AP2B1: variants seen among roughly 807,000 people sequenced by gnomAD.
AP2B1 encodes the protein AP-2 complex subunit beta.
Under a neutral mutation model 102.0 loss-of-function variants are expected in AP2B1, and 23 were observed. That is an observed-to-expected ratio of 0.23 (90% CI 0.16 to 0.32). AP2B1 has a LOEUF of 0.32. Ranked by LOEUF, AP2B1 falls within the 10% of genes least tolerant of loss-of-function variation. The pLI is 1.00. For synonymous variants in AP2B1, 381 were observed against 421.2 expected (o/e 0.90, Z 1.17); for missense variants, 541 against 1,157.4 (o/e 0.47, Z 7.73).
chr17:35,696,294 C>T (rs2076140635), intron 18 of AP2B1, among the ~76,000 whole-genome samples: 3 of 151,342 alleles, frequency 2.0e-5, no homozygotes, highest in Admixed American at 1.3e-4. Flanking sequence ...TAGGTTTTTA[C>T]TAAAGTAGTA....
intron 9 of AP2B1, among the ~76,000 whole-genome samples, chr17:35,631,581 G>A (rs1347090503): frequency 2.0e-5 from 3 of 150,034 alleles, no homozygotes; most frequent in Admixed American, 1.3e-4. Context: ...TTTCTTACTA[G>A]TAATATCATG....
chr17:35,633,308 A>G (rs1375529780), intron 9 of AP2B1, among the ~76,000 whole-genome samples: 4 of 151,310 alleles, frequency 2.6e-5, no homozygotes, highest in South Asian at 2.1e-4. Flanking sequence ...TGCAATGAGC[A>G]TAGATTGCGC....
intron 20 of AP2B1, among the ~76,000 whole-genome samples, 164 bp from the exon 21 acceptor site, chr17:35,717,031 T>A (rs950424293): frequency 6.6e-6 from 1 of 152,248 alleles, no homozygotes; most frequent in African/African-American, 2.4e-5. Flanking sequence ...TGTTCTTCAC[T>A]TTTTGCTATT....
At chr17:35,623,329 T>C (rs2074234686) in intron 5 of AP2B1, among the ~76,000 whole-genome samples, 1 of 152,086 alleles carries the variant, frequency 6.6e-6, no homozygotes, top group African/African-American at 2.4e-5. Flanking sequence ...TTTGGGAGGC[T>C]GAGGCAGGCA....
At chr17:35,680,710 T>G (rs1318937154) in intron 17 of AP2B1, among the ~76,000 whole-genome samples, 2 of 149,004 alleles carry the variant, frequency 1.3e-5, no homozygotes, top group Non-Finnish European at 3.0e-5. Context: ...GTTTTTTTTT[T>G]TTTTTTCAGA....
chr17:35,686,078 T>C (rs1487360967), intron 18 of AP2B1, among the ~76,000 whole-genome samples: 1 of 152,184 alleles, frequency 6.6e-6, no homozygotes, highest in Non-Finnish European at 1.5e-5. Flanking sequence ...ATTCTTAAAA[T>C]GTAAAATACA....
At chr17:35,594,615 A>G (rs1156614091) in intron 2 of AP2B1, among the ~76,000 whole-genome samples, 1 of 152,234 alleles carries the variant, frequency 6.6e-6, no homozygotes, top group African/African-American at 2.4e-5. Flanking sequence ...TTGCAAAACA[A>G]TGAATAGAAA....
At chr17:35,596,031 A>G (rs2073259697) in intron 2 of AP2B1, among the ~76,000 whole-genome samples, 1 of 152,144 alleles carries the variant, frequency 6.6e-6, no homozygotes, top group Non-Finnish European at 1.5e-5. Context: ...AGATTGAATC[A>G]CTGCTAATAA....
At chr17:35,614,561 C>T (rs2073958267) in intron 5 of AP2B1, among the ~76,000 whole-genome samples, 1 of 149,172 alleles carries the variant, frequency 6.7e-6, no homozygotes, top group Non-Finnish European at 1.5e-5. Flanking sequence ...TGATCTTCAT[C>T]TTCCAGACTG....
Position 35,726,162 on chromosome 17 carries a change from G to A in AP2B1, c.*2463G>A, listed in dbSNP as rs1261274884. The A allele has an allele frequency of 6.6e-6, 1 of 152,166 alleles. No individual in the cohort carries two copies. The highest frequency in any genetic ancestry group is 2.4e-5 in the African/African-American group (1 of 41,424). 9.4% of individuals were successfully genotyped at this position (152,166 alleles called of 1,614,324 possible). A position where few individuals can be genotyped will look rare whatever the true frequency, so the allele number is the denominator to read the frequency against. ...GTCAGCTGGCATCATACAAAGAGCA[G>A]GAGAAGCAAACACCCAGAACTCTTT... On this transcript the variant is annotated 3_prime_UTR_variant, in exon 22 of 22. Transcript: ENST00000610402.
intron 12 of AP2B1, among the ~76,000 whole-genome samples, chr17:35,643,044 A>G (rs1276845444): frequency 7.9e-6 from 1 of 126,542 alleles, no homozygotes; most frequent in Non-Finnish European, 1.7e-5. Context: ...TTTTTTTTGT[A>G]CTCTGTTTCA....
intron 3 of AP2B1, among the ~76,000 whole-genome samples, chr17:35,603,553 T>A (rs1161992012): frequency 6.6e-6 from 1 of 152,224 alleles, no homozygotes; most frequent in Admixed American, 6.5e-5. Context: ...GAATATGTAA[T>A]GTTAAAAAAA....
At chr17:35,628,059 G>C (rs1174852599) in intron 9 of AP2B1, among the ~76,000 whole-genome samples, 1 of 152,122 alleles carries the variant, frequency 6.6e-6, no homozygotes, top group Non-Finnish European at 1.5e-5. Context: ...TGTCTGTACT[G>C]AACATGTACA....
intron 11 of AP2B1, among the ~76,000 whole-genome samples, chr17:35,641,423 A>C (rs190024387): frequency 6.6e-6 from 1 of 152,288 alleles, no homozygotes; most frequent in East Asian, 1.9e-4. Flanking sequence ...CAATACAAAA[A>C]TTTTAAAAAT....
chr17:35,606,439 C>A (rs903765600), intron 4 of AP2B1, among the ~76,000 whole-genome samples: 26 of 151,928 alleles, frequency 1.7e-4, no homozygotes, highest in Admixed American at 5.9e-4. Context: ...AGGGTTTCAC[C>A]ATGTTGGTCA....
chr17:35,701,803 G>T (rs1490010998), intron 18 of AP2B1, among the ~76,000 whole-genome samples: 1 of 152,100 alleles, frequency 6.6e-6, no homozygotes, highest in African/African-American at 2.4e-5. Context: ...TTTTGATAGA[G>T]ACAAGGTCTC....
intron 20 of AP2B1, among the ~76,000 whole-genome samples, chr17:35,712,461 T>C (rs1426556542): frequency 1.3e-5 from 2 of 152,070 alleles, no homozygotes; most frequent in Non-Finnish European, 2.9e-5. Flanking sequence ...ACCCTGTCTC[T>C]ACTAAAAATA....
At chr17:35,665,071 A>G (rs2075435971) in intron 14 of AP2B1, among the ~76,000 whole-genome samples, 1 of 150,920 alleles carries the variant, frequency 6.6e-6, no homozygotes, top group African/African-American at 2.4e-5. Flanking sequence ...TTGCATGGTT[A>G]CAGAGTCTTT....
chr17:35,692,296 T>C (rs970469844), intron 18 of AP2B1, among the ~76,000 whole-genome samples: 4 of 152,228 alleles, frequency 2.6e-5, no homozygotes, highest in African/African-American at 9.6e-5. Context: ...AAAATAGTAA[T>C]AAAAGTGATT....
Sources: gnomAD v4.1 joint callset for allele counts (sites outside exome capture counted in the v4.1 genomes callset) on GRCh38, gnomAD v4.1.1 for gene constraint, MANE v1.5 for transcripts, NCBI Gene and HGNC (gene_info 2026-07-23, HGNC 2026-07-21) for gene names.